GALNTL6: variants seen among roughly 807,000 people sequenced by gnomAD.
GALNTL6 encodes polypeptide N-acetylgalactosaminyltransferase like 6.
Under a neutral mutation model 73.7 loss-of-function variants are expected in GALNTL6, and 46 were observed. That is an observed-to-expected ratio of 0.62 (90% CI 0.49 to 0.80). GALNTL6 has a LOEUF of 0.80. GALNTL6 is among the 30% of genes least tolerant of loss of function. The pLI, the probability that GALNTL6 is intolerant of heterozygous loss-of-function variation, is 0.00. For missense variants in GALNTL6, 604 were observed against 755.0 expected, an observed-to-expected ratio of 0.80 and a Z score of 2.34; for synonymous variants, 259 against 263.7, an observed-to-expected ratio of 0.98 and a Z score of 0.17.
At chr4:172,082,142 AC>A (rs1731899802) in intron 2 of GALNTL6, among the ~76,000 whole-genome samples, 1 of 152,004 alleles carries the variant, frequency 6.6e-6, no homozygotes, top group Non-Finnish European at 1.5e-5. Context: ...CTCCCAAAGT[AC>A]TGAGATTACA....
At position 172,289,582 on chromosome 4, in the gene GALNTL6, C is replaced by A. The variant is rs1503685; in HGVS notation, c.248-22032C>A. 7.5e-3 allele frequency among the ~76,000 whole-genome samples: 1,148 copies of A among 152,264 alleles called. 10 individuals are homozygous for A. Among genetic ancestry groups the A allele is most frequent in the African/African-American group, 0.026 (1,083 of 41,554 alleles). On this transcript the variant is annotated intron_variant, in intron 3 of 12. Transcript: ENST00000506823. ...AACTGAGATCTTTTCAAAACCTACT[C>A]TTTTGACATTCTCAAAACTAATTGT...
intron 2 of GALNTL6, among the ~76,000 whole-genome samples, chr4:172,011,084 G>T (rs907735917): frequency 1.2e-4 from 18 of 151,996 alleles, no homozygotes; most frequent in Admixed American, 7.2e-4. Flanking sequence ...AAATATATGA[G>T]AACTGTACTA....
intron 8 of GALNTL6, among the ~76,000 whole-genome samples, chr4:172,927,625 G>C (rs1748127150): frequency 6.6e-6 from 1 of 152,106 alleles, no homozygotes; most frequent in Admixed American, 6.5e-5. Context: ...GAATCACGTA[G>C]AGGCATCTTT....
At chr4:171,958,554 T>C (rs1443724033) in intron 2 of GALNTL6, among the ~76,000 whole-genome samples, 3 of 152,154 alleles carry the variant, frequency 2.0e-5, no homozygotes, top group Non-Finnish European at 4.4e-5. Flanking sequence ...TTTACTGTTA[T>C]CAGATAAATG....
chr4:172,758,547 G>T (rs1737885446), intron 5 of GALNTL6, among the ~76,000 whole-genome samples: 1 of 152,100 alleles, frequency 6.6e-6, no homozygotes, highest in African/African-American at 2.4e-5. Context: ...AAAAACAAAA[G>T]AAAGGATTTC....
At chr4:171,899,507 C>T (rs905916971) in intron 2 of GALNTL6, among the ~76,000 whole-genome samples, 12 of 152,076 alleles carry the variant, frequency 7.9e-5, no homozygotes, top group East Asian at 1.9e-4. Flanking sequence ...TAATGTATCA[C>T]GGTCTAGTAT....
chr4:172,721,919 G>T (rs1735497125), intron 5 of GALNTL6, among the ~76,000 whole-genome samples: 1 of 152,066 alleles, frequency 6.6e-6, no homozygotes, highest in Non-Finnish European at 1.5e-5. Context: ...AGCATCATTA[G>T]GGCTTTGCTA....
intron 7 of GALNTL6, among the ~76,000 whole-genome samples, chr4:172,837,507 A>AG (rs1298222526): frequency 6.6e-6 from 1 of 152,230 alleles, no homozygotes; most frequent in Non-Finnish European, 1.5e-5. Flanking sequence ...TAAAAATAAG[A>AG]TAGTCTCAAA....
chr4:172,494,241 G>A (rs957956488), intron 5 of GALNTL6, among the ~76,000 whole-genome samples: 3 of 152,110 alleles, frequency 2.0e-5, no homozygotes, highest in South Asian at 4.1e-4. Context: ...GTAATATTAC[G>A]ATTCCTTCAT....
At chr4:172,135,570 T>G (rs1733617857) in intron 2 of GALNTL6, among the ~76,000 whole-genome samples, 1 of 152,144 alleles carries the variant, frequency 6.6e-6, no homozygotes. Context: ...TTAGCGTCCT[T>G]CAGGGCTTCA....
chr4:172,286,423 T>G (rs1009365866), intron 3 of GALNTL6, among the ~76,000 whole-genome samples: 2 of 151,982 alleles, frequency 1.3e-5, no homozygotes, highest in African/African-American at 4.8e-5. Context: ...ATAAATAGGA[T>G]GAGGAGGGAG....
At chr4:172,125,018 T>A (rs1257935702) in intron 2 of GALNTL6, among the ~76,000 whole-genome samples, 2 of 152,184 alleles carry the variant, frequency 1.3e-5, no homozygotes, top group Non-Finnish European at 2.9e-5. Flanking sequence ...ACAGCAGAGT[T>A]AAGACCGAAG....
At chr4:172,340,536 A>G (rs1237881163) in intron 4 of GALNTL6, among the ~76,000 whole-genome samples, 2 of 152,134 alleles carry the variant, frequency 1.3e-5, no homozygotes, top group African/African-American at 2.4e-5. Context: ...ATGGTTGTCA[A>G]TTTTTATTTG....
chr4:172,236,753 T>C (rs1210397884), intron 3 of GALNTL6, among the ~76,000 whole-genome samples: 1 of 50,956 alleles, frequency 2.0e-5, no homozygotes, highest in Non-Finnish European at 4.0e-5. Flanking sequence ...TAGGTATACA[T>C]TTGCAGGTTG....
chr4:172,166,577 G>A (rs1224077958), intron 2 of GALNTL6, among the ~76,000 whole-genome samples: 1 of 152,064 alleles, frequency 6.6e-6, no homozygotes, highest in Admixed American at 6.6e-5. Context: ...TGAAATAAAG[G>A]TCATAGTAAA....
intron 3 of GALNTL6, among the ~76,000 whole-genome samples, chr4:172,291,631 G>T (rs1050665523): frequency 2.0e-5 from 3 of 151,996 alleles, no homozygotes; most frequent in Non-Finnish European, 4.4e-5. Context: ...TTGATGTAGT[G>T]TTTTTCCATG....
At chr4:171,864,831 TAATTATGCTGAA>T (rs1214854747) in intron 2 of GALNTL6, among the ~76,000 whole-genome samples, 2 of 151,978 alleles carry the variant, frequency 1.3e-5, no homozygotes, top group Non-Finnish European at 2.9e-5. Context: ...TACTTAAAGA[TAATTATGCTGAA>T]AAAAATATTT....
At chr4:171,851,067 A>G (rs937430221) in intron 2 of GALNTL6, among the ~76,000 whole-genome samples, 5 of 152,214 alleles carry the variant, frequency 3.3e-5, no homozygotes, top group Non-Finnish European at 5.9e-5. Flanking sequence ...GTAGTGTATA[A>G]TTCACAAGAC....
intron 2 of GALNTL6, among the ~76,000 whole-genome samples, chr4:171,877,807 A>ATG (rs1333675173): frequency 1.3e-5 from 2 of 152,234 alleles, no homozygotes; most frequent in Non-Finnish European, 2.9e-5. Context: ...ATGATAACAA[A>ATG]ATAATGATTA....
Sources: gnomAD v4.1 joint callset for allele counts (sites outside exome capture counted in the v4.1 genomes callset) on GRCh38, gnomAD v4.1.1 for gene constraint, MANE v1.5 for transcripts, NCBI Gene and HGNC (gene_info 2026-07-23, HGNC 2026-07-21) for gene names.